HNRNPM: variants seen among roughly 807,000 people sequenced by gnomAD.
The protein encoded by HNRNPM is CEA receptor.
In HNRNPM, 11 loss-of-function variants were observed where a neutral mutation model predicts 73.1. The observed-to-expected ratio is 0.15, with a 90% CI of 0.09 to 0.25. HNRNPM has a LOEUF of 0.25. Among genes scored for constraint, HNRNPM ranks in the 10% least tolerant of loss-of-function variants. HNRNPM has a pLI of 1.00. For missense variants in HNRNPM, 789 were observed against 1,067.9 expected, an observed-to-expected ratio of 0.74 and a Z score of 3.64; for synonymous variants, 407 against 355.2, an observed-to-expected ratio of 1.15 and a Z score of -1.64.
intron 2 of HNRNPM, among the ~76,000 whole-genome samples, chr19:8,457,887 A>G (rs1228356718): frequency 1.3e-5 from 2 of 152,218 alleles, no homozygotes; most frequent in African/African-American, 2.4e-5. Context: ...TTACAACCCT[A>G]AAAGTATTAG....
At chr19:8,445,525 A>C in intron 1 of HNRNPM, 1 of 157,968 alleles carries the variant, frequency 6.3e-6, no homozygotes, top group Non-Finnish European at 1.4e-5. Context: ...CTGATCCGTA[A>C]CGTGGGGGGA....
chr19:8,470,183 T>G (rs1970032146), intron 9 of HNRNPM, among the ~76,000 whole-genome samples: 1 of 152,218 alleles, frequency 6.6e-6, no homozygotes, highest in Admixed American at 6.5e-5. Context: ...TTCAGTGCTT[T>G]GGGAGAGTAA....
chr19:8,477,509 G>A (rs1970591857), intron 12 of HNRNPM, among the ~76,000 whole-genome samples: 1 of 151,978 alleles, frequency 6.6e-6, no homozygotes, highest in African/African-American at 2.4e-5. Context: ...AATAAAATTA[G>A]CCGGGCATGA....
At chr19:8,469,102 G>A (rs1267949497) in intron 9 of HNRNPM, among the ~76,000 whole-genome samples, 2 of 152,224 alleles carry the variant, frequency 1.3e-5, no homozygotes, top group African/African-American at 4.8e-5. Context: ...GGGGAAGGAA[G>A]AATCAGAACC....
Position 8,463,617 on chromosome 19 carries a change from G to A in HNRNPM, c.369G>A (p.Glu123=), listed in dbSNP as rs763152362. 1 of 1,614,040 alleles carries A rather than the reference G, an allele frequency of 6.2e-7. No individual in the cohort carries two copies. The highest frequency in any genetic ancestry group is 2.2e-5 in the East Asian group (1 of 44,882). The change falls in exon 5 of 16, where the codon GAG becomes GAA. Residue 123 remains glutamate (E), a synonymous_variant. Coordinates refer to ENST00000325495, the MANE Select transcript of HNRNPM (RefSeq NM_005968.5). ...GCAVVEFKME[E]SMKKAAEVLN... is the part of the protein sequence containing the mutation. The stretch of plus-strand genomic sequence containing the variant: ...GTGTTGTTGAATTCAAGATGGAAGA[G>A]AGCATGAAAAAAGCTGCGGAAGTCC...
At chr19:8,481,219 G>A (rs372108984) in intron 12 of HNRNPM, among the ~76,000 whole-genome samples, 85 of 152,346 alleles carry the variant, frequency 5.6e-4, no homozygotes, top group African/African-American at 2.0e-3. Flanking sequence ...AGGATGAGGT[G>A]TAGCTGAGGC....
intron 1 of HNRNPM, among the ~76,000 whole-genome samples, chr19:8,445,986 T>C (rs1968149772): frequency 6.6e-6 from 1 of 152,152 alleles, no homozygotes; most frequent in Non-Finnish European, 1.5e-5. Flanking sequence ...AAAGTTTCTT[T>C]AAAGGAGGAA....
intron 2 of HNRNPM, among the ~76,000 whole-genome samples, chr19:8,457,354 G>T (rs1375767267): frequency 6.6e-6 from 1 of 152,192 alleles, no homozygotes; most frequent in East Asian, 1.9e-4. Flanking sequence ...GCACTCTTAA[G>T]TGTGGAGCCA....
chr19:8,457,152 G>C (rs992907067), intron 2 of HNRNPM, among the ~76,000 whole-genome samples: 4 of 152,218 alleles, frequency 2.6e-5, no homozygotes, highest in African/African-American at 9.6e-5. Flanking sequence ...TTTTGTAAGA[G>C]ATTGCAGGCC....
intron 1 of HNRNPM, among the ~76,000 whole-genome samples, chr19:8,446,131 T>G (rs2145593902): frequency 6.6e-6 from 1 of 152,270 alleles, no homozygotes; most frequent in Admixed American, 6.5e-5. Context: ...TCCCAGACAT[T>G]TATTTCATTG....
At chr19:8,487,140 C>A in intron 15 of HNRNPM, 65 bp downstream of exon 15, 1 of 1,351,466 alleles carries the variant, frequency 7.4e-7, no homozygotes, top group Non-Finnish European at 1.1e-6. Context: ...GCCGAGTCAG[C>A]AGCAAAACCT....
In HNRNPM at chr19:8,475,908, T is replaced by C. The variant is rs902649580; in HGVS notation, c.1120+1664T>C. On this transcript the variant is annotated intron_variant, in intron 12 of 15. Coordinates refer to ENST00000325495, the MANE Select transcript of HNRNPM (RefSeq NM_005968.5). ...CACTGCGAAACCCCATCTCTCTCTT[T>C]TTTTTTTTTTTTTTTTTTTTTAAGA... Among the ~76,000 whole-genome samples, 9 of 9,048 alleles carry C rather than the reference T, an allele frequency of 9.9e-4. No homozygotes were observed. In the Non-Finnish European group the frequency reaches 0.013, roughly 13 times the overall value. 5.9% of individuals were successfully genotyped at this position (9,048 alleles called of 152,430 possible). A position where few individuals can be genotyped will look rare whatever the true frequency, so the allele number is the denominator to read the frequency against.
intron 1 of HNRNPM, among the ~76,000 whole-genome samples, chr19:8,446,644 C>T (rs1968208331): frequency 6.6e-6 from 1 of 152,136 alleles, no homozygotes; most frequent in Non-Finnish European, 1.5e-5. Flanking sequence ...TTCAAGCCAT[C>T]CTCCTGCCTA....
Position 8,485,658 on chromosome 19 carries a change from C to A in HNRNPM, c.1230C>A (p.Arg410=). The change falls in exon 14 of 16, where the codon CGC becomes CGA. Residue 410 remains arginine (R), a synonymous_variant. Transcript: ENST00000325495. ...GIERMGPGID[R]LGGAGMERMG... Reference sequence around the variant, plus strand: ...AGAGGATGGGTCCTGGCATTGACCGCCTCGGGGGTGCCGGCATGGAGCGCA... The same window carrying A: ...AGAGGATGGGTCCTGGCATTGACCGACTCGGGGGTGCCGGCATGGAGCGCA... The A allele has an allele frequency of 1.2e-6, 2 of 1,607,996 alleles. No individual in the cohort carries two copies. The highest frequency in any genetic ancestry group is 1.7e-6 in the Non-Finnish European group (2 of 1,179,500).
intron 3 of HNRNPM, 50 bp from the exon 4 acceptor site, chr19:8,463,447 T>C (rs747349673): frequency 6.2e-7 from 1 of 1,600,772 alleles, no homozygotes; most frequent in South Asian, 1.1e-5. Context: ...TTTTTTCTTT[T>C]CTTTTTCCCC....
chr19:8,462,493 C>T lies in HNRNPM; in HGVS notation c.284-36C>T. 2 of 1,585,760 alleles carry T rather than the reference C, an allele frequency of 1.3e-6. No individual in the cohort carries two copies. The highest frequency in any genetic ancestry group is 1.7e-6 in the Non-Finnish European group (2 of 1,154,252). ...TCCCATTGTTTTCTTGGCTTTTCTCCCTTGGTTTATGTGTCGTCTGGAAAC... is the reference window on the plus strand; with the variant it reads ...TCCCATTGTTTTCTTGGCTTTTCTCTCTTGGTTTATGTGTCGTCTGGAAAC... On this transcript the variant is annotated intron_variant, in intron 2 of 15. Coordinates refer to ENST00000325495, the MANE Select transcript of HNRNPM (RefSeq NM_005968.5). The surrounding 1 kb of genome is among the most constrained non-coding windows in gnomAD (Gnocchi z 4.5).
intron 9 of HNRNPM, 85 bp downstream of exon 9, chr19:8,468,919 C>T: frequency 1.8e-6 from 2 of 1,124,204 alleles, no homozygotes; most frequent in Non-Finnish European, 1.4e-6. Flanking sequence ...TCACTTGAAC[C>T]TGTGCCAGGT....
chr19:8,454,385 A>G (rs924438962), intron 1 of HNRNPM, among the ~76,000 whole-genome samples: 1 of 152,202 alleles, frequency 6.6e-6, no homozygotes, highest in African/African-American at 2.4e-5. Flanking sequence ...AGGTTCATGC[A>G]TGTTGTAGCC....
chr19:8,460,173 C>T (rs902890445), intron 2 of HNRNPM, among the ~76,000 whole-genome samples: 1 of 152,198 alleles, frequency 6.6e-6, no homozygotes, highest in Non-Finnish European at 1.5e-5. Context: ...AGACTGTTTA[C>T]TTGACAAATT....
Sources: gnomAD v4.1 joint callset for allele counts (sites outside exome capture counted in the v4.1 genomes callset) on GRCh38, gnomAD v4.1.1 for gene constraint, Gnocchi (gnomAD v3.1) non-coding constraint, MANE v1.5 for transcripts, NCBI Gene and HGNC (gene_info 2026-07-23, HGNC 2026-07-21) for gene names.